Variants in STPG4 observed in about 807,000 individuals in gnomAD.
STPG4 encodes sperm-tail PG-rich repeat containing 4, also known as protein STPG4.
In STPG4, 41 loss-of-function variants were observed where a neutral mutation model predicts 31.5. That is an observed-to-expected ratio of 1.30 (90% CI 1.01 to 1.69). The LOEUF (loss-of-function observed/expected upper bound fraction) is 1.69. Among genes scored for constraint, STPG4 ranks in the 40% most tolerant of loss-of-function variants. STPG4 has a pLI of 0.00. For missense variants in STPG4, 375 were observed against 293.4 expected, an observed-to-expected ratio of 1.28 and a Z score of -2.03; for synonymous variants, 141 against 103.0, an observed-to-expected ratio of 1.37 and a Z score of -2.24.
intron 5 of STPG4, among the ~76,000 whole-genome samples, chr2:47,106,230 T>C (rs1404831397): frequency 6.6e-6 from 1 of 151,950 alleles, no homozygotes; most frequent in Non-Finnish European, 1.5e-5. Flanking sequence ...GGCATATTTT[T>C]CTATGTGGAA....
chr2:47,135,743 ATCTTT>A (rs1686583845), intron 3 of STPG4, among the ~76,000 whole-genome samples: 1 of 152,134 alleles, frequency 6.6e-6, no homozygotes, highest in Non-Finnish European at 1.5e-5. Context: ...TGAAAAAACT[ATCTTT>A]TCTTTGTTGT....
chr2:47,132,501 G>A (rs1686505626), intron 3 of STPG4, among the ~76,000 whole-genome samples: 1 of 152,200 alleles, frequency 6.6e-6, no homozygotes. Context: ...TGTGGATAGA[G>A]TGATGATAAC....
intron 1 of STPG4, 41 bp downstream of exon 1, chr2:47,155,129 AG>A: frequency 6.3e-7 from 1 of 1,580,546 alleles, no homozygotes; most frequent in Non-Finnish European, 8.7e-7. Flanking sequence ...GGGCCTGGTG[AG>A]GGGAGCAGGA....
chr2:47,148,187 T>C (rs1387463191), intron 3 of STPG4, among the ~76,000 whole-genome samples: 1 of 152,094 alleles, frequency 6.6e-6, no homozygotes, highest in Non-Finnish European at 1.5e-5. Flanking sequence ...CCTCAAGTGA[T>C]CCACCTGCCT....
chr2:47,090,239 TG>T (rs1272699227), intron 6 of STPG4, 30 bp downstream of exon 6: 6 of 1,443,996 alleles, frequency 4.2e-6, no homozygotes, highest in Non-Finnish European at 5.7e-6. Context: ...CCCCTAGGGG[TG>T]GGGGGCGATC....
intron 3 of STPG4, among the ~76,000 whole-genome samples, chr2:47,147,200 G>A (rs1227099774): frequency 6.6e-6 from 1 of 152,106 alleles, no homozygotes; most frequent in African/African-American, 2.4e-5. Flanking sequence ...GACTAGAGAA[G>A]TCCATTCAGT....
intron 5 of STPG4, among the ~76,000 whole-genome samples, chr2:47,117,759 G>A (rs111361478): frequency 6.6e-6 from 1 of 151,968 alleles, no homozygotes; most frequent in Non-Finnish European, 1.5e-5. Flanking sequence ...CTTGGCATAG[G>A]GTGTCACACA....
At position 47,129,943 on chromosome 2, in the gene STPG4, G is replaced by C; in HGVS notation, c.517C>G (p.Pro173Ala). ...VQRFPTTYFI[P>A]HEGPGPGHYN... is the part of the protein sequence containing the mutation. ...TTAACTGTCTACATTATACTTACGG[G>C]AATAAAATAGGTTGTTGGGAATCTT... is the stretch of plus-strand genomic sequence containing the variant. Residue 173 changes from proline (P) to alanine (A), a missense_variant and splice_region_variant, in exon 5 of 7, where the codon CCC becomes GCC. Pro to Ala is a conservative substitution (Grantham distance 27). Transcript: ENST00000445927. 1 of 1,610,756 alleles carries C rather than the reference G, an allele frequency of 6.2e-7. No individual in the cohort carries two copies. Among genetic ancestry groups the C allele is most frequent in the Non-Finnish European group, 8.5e-7 (1 of 1,177,824 alleles).
intron 3 of STPG4, among the ~76,000 whole-genome samples, chr2:47,139,412 T>TTA (rs1484925324): frequency 3.9e-5 from 6 of 151,920 alleles, no homozygotes; most frequent in Admixed American, 3.3e-4. Flanking sequence ...GCTTTATTTT[T>TTA]TTTTTTTCAA....
intron 3 of STPG4, among the ~76,000 whole-genome samples, chr2:47,141,817 T>C (rs1388923682): frequency 6.6e-6 from 1 of 151,354 alleles, no homozygotes; most frequent in African/African-American, 2.4e-5. Context: ...TTTGTTGTTT[T>C]CTAAGTAAAA....
At chr2:47,096,017 C>G (rs1260928606) in intron 5 of STPG4, among the ~76,000 whole-genome samples, 1 of 152,136 alleles carries the variant, frequency 6.6e-6, no homozygotes, top group Non-Finnish European at 1.5e-5. Flanking sequence ...ACCACAAAAG[C>G]CCTAAACTGC....
At chr2:47,149,204 C>T (rs72810411) in intron 3 of STPG4, among the ~76,000 whole-genome samples, 9,489 of 152,210 alleles carry the variant, frequency 0.062, 346 homozygotes, top group Non-Finnish European at 0.082. Context: ...AAGAAAGAAA[C>T]AGAAAAACTA....
chr2:47,087,988 C>A (rs565930520), intron 6 of STPG4, among the ~76,000 whole-genome samples: 15 of 152,064 alleles, frequency 9.9e-5, no homozygotes, highest in Non-Finnish European at 1.5e-4. Context: ...CTCCTGATCT[C>A]GTGATCCGCC....
intron 5 of STPG4, among the ~76,000 whole-genome samples, chr2:47,125,793 A>G (rs1686355348): frequency 6.6e-6 from 1 of 151,890 alleles, no homozygotes; most frequent in Non-Finnish European, 1.5e-5. Flanking sequence ...TCCTGGGCTC[A>G]AGGGATCCTC....
At chr2:47,143,556 G>A (rs1354170224) in intron 3 of STPG4, among the ~76,000 whole-genome samples, 1 of 151,340 alleles carries the variant, frequency 6.6e-6, no homozygotes. Context: ...TGTGATCTTG[G>A]CTCACTGCAA....
intron 3 of STPG4, among the ~76,000 whole-genome samples, chr2:47,142,365 T>C (rs1186170275): frequency 6.6e-6 from 1 of 152,194 alleles, no homozygotes; most frequent in Non-Finnish European, 1.5e-5. Context: ...ATGCTAAAGC[T>C]AACCTTTAAA....
At chr2:47,098,401 C>T (rs116085709) in intron 5 of STPG4, among the ~76,000 whole-genome samples, 3,925 of 152,268 alleles carry the variant, frequency 0.026, 88 homozygotes, top group South Asian at 0.07. Flanking sequence ...TGAGGCTCAG[C>T]GGGGTTAGAA....
intron 5 of STPG4, among the ~76,000 whole-genome samples, chr2:47,101,875 T>C (rs1157093696): frequency 6.6e-6 from 1 of 151,698 alleles, no homozygotes; most frequent in Non-Finnish European, 1.5e-5. Flanking sequence ...AACATCTTTA[T>C]AGGAAAGGGG....
chr2:47,109,593 A>C (rs1231046291), intron 5 of STPG4, among the ~76,000 whole-genome samples: 1 of 151,946 alleles, frequency 6.6e-6, no homozygotes, highest in Non-Finnish European at 1.5e-5. Flanking sequence ...CACATCTATA[A>C]GCTATATTTG....
Sources: allele counts gnomAD v4.1 joint callset (sites outside exome capture counted in the v4.1 genomes callset), GRCh38; gene constraint gnomAD v4.1.1; transcripts MANE v1.5; gene names NCBI Gene and HGNC (gene_info 2026-07-23, HGNC 2026-07-21).